DOCK1: variants seen among roughly 807,000 people sequenced by gnomAD.
The protein encoded by DOCK1 is dedicator of cytokinesis 1.
DOCK1 carries 138 observed loss-of-function variants against 262.7 expected under a neutral mutation model. The ratio of observed to expected loss-of-function variants is 0.53; its 90% CI spans 0.46 to 0.61. The LOEUF is 0.61. DOCK1 is among the 20% of genes least tolerant of loss of function. The probability of loss-of-function intolerance (pLI) is 0.00; values close to 1 mark genes in which losing one functional copy is unlikely to be tolerated. For missense variants in DOCK1, 1,908 were observed against 2,370.7 expected, an observed-to-expected ratio of 0.80 and a Z score of 4.05; for synonymous variants, 866 against 867.4, an observed-to-expected ratio of 1.00 and a Z score of 0.03.
intron 2 of DOCK1, 47 bp downstream of exon 2, chr10:126,970,832 G>T (rs147474962): frequency 1.3e-6 from 2 of 1,590,236 alleles, no homozygotes; most frequent in Admixed American, 3.5e-5. Flanking sequence ...TGGGCAGATG[G>T]CACACCTTCT....
chr10:127,007,363 A>G (rs1473139067), intron 10 of DOCK1: 2 of 152,118 alleles, frequency 1.3e-5, no homozygotes, highest in Admixed American at 6.5e-5. Flanking sequence ...TTTTCAATAT[A>G]TGATTACTTA....
chr10:127,416,999 G>A (rs2068196651), intron 44 of DOCK1, among the ~76,000 whole-genome samples: 1 of 152,290 alleles, frequency 6.6e-6, no homozygotes, highest in African/African-American at 2.4e-5. Flanking sequence ...GACAACCTCT[G>A]TTATGTCCAC....
chr10:126,933,596 G>C (rs1048604770), intron 1 of DOCK1, among the ~76,000 whole-genome samples: 2 of 152,232 alleles, frequency 1.3e-5, no homozygotes, highest in East Asian at 3.9e-4. Flanking sequence ...GCAGGACATT[G>C]ATTTTGGAGT....
At position 127,439,064 on chromosome 10, in the gene DOCK1, T is replaced by G. The variant is rs555318752; in HGVS notation, c.5098T>G (p.Ser1700Ala). The G allele has an allele frequency of 6.4e-7, 1 of 1,554,984 alleles. No individual in the cohort carries two copies. The highest frequency in any genetic ancestry group is 8.7e-7 in the Non-Finnish European group (1 of 1,148,810). The change falls in exon 49 of 52, where the codon TCC becomes GCC. Residue 1700 changes from serine (S) to alanine (A), a missense_variant. Transcript: ENST00000623213. Reference protein sequence around the residue: ...LEPLLPKKMHSRSQDKLDKDD... With the variant: ...LEPLLPKKMHARSQDKLDKDD... ...GCCTCTCCTGCCAAAGAAAATGCACTCCAGGTCCCAGGACAAGCTGGACAA... is the reference window on the plus strand; with the variant it reads ...GCCTCTCCTGCCAAAGAAAATGCACGCCAGGTCCCAGGACAAGCTGGACAA...
Position 127,049,796 on chromosome 10 carries a change from C to G in DOCK1, c.2202-2885C>G, listed in dbSNP as rs547961350. On this transcript the variant is annotated intron_variant, in intron 21 of 51. Transcript: ENST00000623213. Reference sequence around the variant, plus strand: ...ATACCGAAATAATATTTTAGAAGATCAAAATTTCAAGATTTATTATTAAAC... The same window carrying G: ...ATACCGAAATAATATTTTAGAAGATGAAAATTTCAAGATTTATTATTAAAC... Among the ~76,000 whole-genome samples the G allele has an allele frequency of 5.9e-5, 9 of 151,786 alleles. No individual in the cohort carries two copies. The East Asian group carries it at 1.7e-3, about 29-fold the overall frequency.
chr10:127,396,026 G>C (rs2066808491), intron 38 of DOCK1, among the ~76,000 whole-genome samples: 1 of 152,008 alleles, frequency 6.6e-6, no homozygotes, highest in Admixed American at 6.6e-5. Context: ...GTCAAGGAAA[G>C]GGAGAAATGA....
intron 27 of DOCK1, among the ~76,000 whole-genome samples, chr10:127,166,453 A>G (rs1313950146): frequency 6.6e-6 from 1 of 152,190 alleles, no homozygotes; most frequent in East Asian, 1.9e-4. Flanking sequence ...GACAGCCCAG[A>G]TGTGAATTCT....
At chr10:127,277,602 T>C (rs936240530) in intron 29 of DOCK1, among the ~76,000 whole-genome samples, 7 of 151,982 alleles carry the variant, frequency 4.6e-5, no homozygotes, top group African/African-American at 1.7e-4. Flanking sequence ...TACTAAAAAA[T>C]ACAAAAAATT....
intron 27 of DOCK1, among the ~76,000 whole-genome samples, chr10:127,242,177 G>A (rs2134707270): frequency 6.6e-6 from 1 of 152,178 alleles, no homozygotes; most frequent in East Asian, 1.9e-4. Context: ...GTTTTAATAT[G>A]TGCCTTACTG....
At chr10:127,179,714 A>G (rs962918261) in intron 27 of DOCK1, among the ~76,000 whole-genome samples, 1 of 152,218 alleles carries the variant, frequency 6.6e-6, no homozygotes, top group African/African-American at 2.4e-5. Flanking sequence ...GGCATTCTAC[A>G]GAGGACTTTC....
intron 23 of DOCK1, 22 bp from the exon 24 acceptor site, chr10:127,106,209 C>T: frequency 6.4e-7 from 1 of 1,571,342 alleles, no homozygotes; most frequent in Non-Finnish European, 8.6e-7. Context: ...GCTGCTCAGC[C>T]TTCTTGTTTC....
intron 36 of DOCK1, among the ~76,000 whole-genome samples, chr10:127,381,059 T>A (rs1356094672): frequency 1.3e-5 from 2 of 152,206 alleles, no homozygotes; most frequent in East Asian, 3.8e-4. Context: ...ATGAAAAATT[T>A]GAAGGAAAAT....
chr10:127,282,649 G>T (rs77891798), intron 29 of DOCK1, among the ~76,000 whole-genome samples: 1 of 152,208 alleles, frequency 6.6e-6, no homozygotes, highest in African/African-American at 2.4e-5. Flanking sequence ...CCGCCTCTCC[G>T]TTTAACTCAC....
chr10:127,418,623 G>A (rs2068302828), intron 45 of DOCK1, 82 bp downstream of exon 45: 1 of 1,487,634 alleles, frequency 6.7e-7, no homozygotes. Context: ...CCAAAGCCCA[G>A]AAACGCCCCT....
At chr10:127,269,864 T>C (rs565390684) in intron 29 of DOCK1, among the ~76,000 whole-genome samples, 13 of 152,364 alleles carry the variant, frequency 8.5e-5, no homozygotes, top group African/African-American at 3.1e-4. Context: ...CATGCAGTCC[T>C]TGGGAAGCCC....
intron 27 of DOCK1, among the ~76,000 whole-genome samples, chr10:127,236,109 T>G (rs993686687): frequency 2.0e-5 from 3 of 152,182 alleles, no homozygotes; most frequent in Non-Finnish European, 4.4e-5. Flanking sequence ...GACCAAAAAT[T>G]TTTAATTTTG....
intron 10 of DOCK1, among the ~76,000 whole-genome samples, chr10:127,005,162 C>A (rs563344534): frequency 6.6e-6 from 1 of 151,946 alleles, no homozygotes; most frequent in East Asian, 1.9e-4. Context: ...TATGGTGAAA[C>A]CCCATCCCTA....
intron 46 of DOCK1, 69 bp from the exon 47 acceptor site, chr10:127,425,805 C>G: frequency 6.3e-7 from 1 of 1,585,646 alleles, no homozygotes; most frequent in Non-Finnish European, 8.6e-7. Flanking sequence ...TCCCCTTTCC[C>G]CAAGTGTGCA....
intron 47 of DOCK1, among the ~76,000 whole-genome samples, chr10:127,429,361 G>A (rs2069124423): frequency 1.3e-5 from 2 of 152,082 alleles, no homozygotes; most frequent in Admixed American, 6.5e-5. Flanking sequence ...GGACTGGCAG[G>A]TCCCCTTGTC....
Sources: allele counts gnomAD v4.1 joint callset (sites outside exome capture counted in the v4.1 genomes callset), GRCh38; gene constraint gnomAD v4.1.1; transcripts MANE v1.5; gene names NCBI Gene and HGNC (gene_info 2026-07-23, HGNC 2026-07-21).